DENND1A: variants seen among roughly 807,000 people sequenced by gnomAD.
DENND1A encodes the protein DENN domain containing 1A.
DENND1A carries 51 observed loss-of-function variants against 113.7 expected under a neutral mutation model. The observed-to-expected ratio is 0.45, with a 90% confidence interval of 0.36 to 0.57. DENND1A has a LOEUF of 0.57. DENND1A is among the 20% of genes least tolerant of loss of function. The pLI, the probability that DENND1A is intolerant of heterozygous loss-of-function variation, is 0.00. For missense variants in DENND1A, 1,258 were observed against 1,395.9 expected, an observed-to-expected ratio of 0.90 and a Z score of 1.57; for synonymous variants, 565 against 570.8, an observed-to-expected ratio of 0.99 and a Z score of 0.14.
At chr9:123,781,427 G>C (rs987000282) in intron 3 of DENND1A, among the ~76,000 whole-genome samples, 47 of 152,224 alleles carry the variant, frequency 3.1e-4, no homozygotes, top group African/African-American at 1.1e-3. Flanking sequence ...AAATAGTGAG[G>C]TTTTATCACT....
Position 123,521,121 on chromosome 9 carries a change from G to A in DENND1A, c.993+36449C>T, listed in dbSNP as rs149076229. Among the ~76,000 whole-genome samples the A allele has an allele frequency of 1.4e-3, 212 of 152,176 alleles. 1 individual carries two copies. The highest frequency in any genetic ancestry group is 2.4e-3 in the Admixed American group (37 of 15,284). ...TCACGCCGAGACACATTACCAAGAC[G>A]CGGTTCCCCAGATGAAATTTCATCC... On this transcript the variant is annotated intron_variant, in intron 13 of 23. Coordinates refer to ENST00000394215, the MANE Select transcript of DENND1A (RefSeq NM_001352964.2).
At chr9:123,701,706 G>A (rs1381357728) in intron 5 of DENND1A, among the ~76,000 whole-genome samples, 1 of 152,200 alleles carries the variant, frequency 6.6e-6, no homozygotes, top group East Asian at 1.9e-4. Context: ...GTATATCCCA[G>A]TGCTGTACCA....
intron 13 of DENND1A, among the ~76,000 whole-genome samples, chr9:123,470,987 A>G (rs1235940489): frequency 6.6e-6 from 1 of 152,126 alleles, no homozygotes; most frequent in East Asian, 1.9e-4. Flanking sequence ...GCGCCAGGGG[A>G]GTCAAATGCC....
At chr9:123,903,111 T>A (rs994947278) in intron 1 of DENND1A, among the ~76,000 whole-genome samples, 3 of 151,362 alleles carry the variant, frequency 2.0e-5, no homozygotes, top group Non-Finnish European at 4.4e-5. Context: ...GGCAGGCGGA[T>A]CACGAGGTCA....
At chr9:123,683,636 C>G (rs1438695606) in intron 5 of DENND1A, among the ~76,000 whole-genome samples, 1 of 152,064 alleles carries the variant, frequency 6.6e-6, no homozygotes, top group African/African-American at 2.4e-5. Flanking sequence ...GCATTTTATT[C>G]CCAGAATATG....
intron 5 of DENND1A, among the ~76,000 whole-genome samples, chr9:123,739,744 T>C (rs754341045): frequency 6.6e-6 from 1 of 152,030 alleles, no homozygotes; most frequent in Non-Finnish European, 1.5e-5. Context: ...GTTTAGAAAA[T>C]GAGGTAGCAT....
At chr9:123,888,946 G>A (rs1273985394) in intron 1 of DENND1A, among the ~76,000 whole-genome samples, 6 of 144,266 alleles carry the variant, frequency 4.2e-5, no homozygotes, top group African/African-American at 8.0e-5. Context: ...GGTCAATACC[G>A]TGCTTTAAAC....
At chr9:123,569,188 A>G (rs2058222655) in intron 12 of DENND1A, among the ~76,000 whole-genome samples, 1 of 152,202 alleles carries the variant, frequency 6.6e-6, no homozygotes, top group African/African-American at 2.4e-5. Context: ...GTTGTGAAAA[A>G]GAAGAAAAAA....
chr9:123,818,737 G>A (rs1408384884), intron 2 of DENND1A, among the ~76,000 whole-genome samples: 5 of 151,984 alleles, frequency 3.3e-5, no homozygotes, highest in Non-Finnish European at 7.4e-5. Flanking sequence ...GTGTGGAATC[G>A]TCCATTTGTG....
At chr9:123,426,801 G>A (rs1463609408) in intron 19 of DENND1A, among the ~76,000 whole-genome samples, 2 of 152,294 alleles carry the variant, frequency 1.3e-5, no homozygotes, top group South Asian at 4.1e-4. Context: ...AAGTGGGGAC[G>A]CCTGGACCAG....
intron 5 of DENND1A, among the ~76,000 whole-genome samples, chr9:123,705,100 C>G (rs544174813): frequency 1.7e-4 from 25 of 150,874 alleles, no homozygotes; most frequent in Admixed American, 1.1e-3. Flanking sequence ...ACATGAGAGA[C>G]AAAGCACTGT....
At chr9:123,449,306 G>A (rs113440859) in intron 18 of DENND1A, among the ~76,000 whole-genome samples, 3 of 152,322 alleles carry the variant, frequency 2.0e-5, no homozygotes, top group African/African-American at 7.2e-5. Context: ...GGAGGCCAAG[G>A]CAGGCGGATC....
chr9:123,924,018 A>G (rs1856697160), intron 1 of DENND1A, among the ~76,000 whole-genome samples: 1 of 152,252 alleles, frequency 6.6e-6, no homozygotes, highest in South Asian at 2.1e-4. Context: ...GAAACAACCC[A>G]AATACCTAAC....
intron 5 of DENND1A, chr9:123,751,578 G>A (rs539705641): frequency 4.6e-5 from 7 of 152,224 alleles, no homozygotes; most frequent in Admixed American, 2.0e-4. Flanking sequence ...ATGTCTACCC[G>A]AAACCAGCTG....
intron 2 of DENND1A, among the ~76,000 whole-genome samples, chr9:123,801,066 C>G (rs1590139849): frequency 6.6e-6 from 1 of 152,202 alleles, no homozygotes; most frequent in African/African-American, 2.4e-5. Flanking sequence ...CCCACTCCAC[C>G]CTGCTTCCAG....
At chr9:123,652,194 G>T in intron 8 of DENND1A, 71 bp from the exon 9 acceptor site, 1 of 1,250,716 alleles carries the variant, frequency 8.0e-7, no homozygotes, top group Non-Finnish European at 1.2e-6. Context: ...TCTAATAAGA[G>T]CATAAGAAAC....
chr9:123,624,412 A>C (rs368822215), intron 10 of DENND1A, among the ~76,000 whole-genome samples: 41 of 152,354 alleles, frequency 2.7e-4, no homozygotes, highest in African/African-American at 7.0e-4. Flanking sequence ...AAGGTGGTCA[A>C]ATCAACCCTT....
chr9:123,813,366 T>C (rs1331852011), intron 2 of DENND1A, among the ~76,000 whole-genome samples: 1 of 152,192 alleles, frequency 6.6e-6, no homozygotes, highest in African/African-American at 2.4e-5. Flanking sequence ...ACATCTTTAA[T>C]CTACTTGTAA....
chr9:123,586,792 C>A (rs528205134), intron 11 of DENND1A, among the ~76,000 whole-genome samples: 1 of 152,228 alleles, frequency 6.6e-6, no homozygotes, highest in African/African-American at 2.4e-5. Context: ...GAGAAGAAAG[C>A]CAGACCGTCG....
Sources: allele counts gnomAD v4.1 joint callset (sites outside exome capture counted in the v4.1 genomes callset), GRCh38; gene constraint gnomAD v4.1.1; transcripts MANE v1.5; gene names NCBI Gene and HGNC (gene_info 2026-07-23, HGNC 2026-07-21).